The following CLVS1 variants were observed in gnomAD, a reference collection of about 807,000 sequenced individuals.
The protein encoded by CLVS1 is clavesin-1.
In CLVS1, 10 loss-of-function variants were observed where a neutral mutation model predicts 33.1. The observed-to-expected ratio is 0.30, with a 90% CI of 0.19 to 0.51. The LOEUF is 0.51. Among genes scored for constraint, CLVS1 ranks in the 20% least tolerant of loss-of-function variants. The probability of loss-of-function intolerance (pLI) is 0.97; values close to 1 mark genes in which losing one functional copy is unlikely to be tolerated. For synonymous variants in CLVS1, 163 were observed against 166.1 expected, an observed-to-expected ratio of 0.98 and a Z score of 0.14; for missense variants, 343 against 433.4, an observed-to-expected ratio of 0.79 and a Z score of 1.85.
At chr8:61,062,838 T>C (rs1387947911) in intron 1 of CLVS1, among the ~76,000 whole-genome samples, 1 of 152,240 alleles carries the variant, frequency 6.6e-6, no homozygotes, top group African/African-American at 2.4e-5. Flanking sequence ...ACTCCTGACT[T>C]TAGATGTTCA....
At chr8:61,016,723 G>C in the CLVS1 span, among the ~76,000 whole-genome samples, 2 of 152,228 alleles carry the variant, frequency 1.3e-5, no homozygotes, top group Non-Finnish European at 2.9e-5. Flanking sequence ...CATGCAAGTG[G>C]TGAGAAGCTG....
At chr8:61,173,634 T>C (rs1807054180) in intron 2 of CLVS1, among the ~76,000 whole-genome samples, 1 of 152,196 alleles carries the variant, frequency 6.6e-6, no homozygotes, top group African/African-American at 2.4e-5. Context: ...GGAGACCCTA[T>C]GATTATCACA....
intron 2 of CLVS1, among the ~76,000 whole-genome samples, chr8:61,180,583 A>T (rs1211427095): frequency 1.3e-5 from 2 of 152,216 alleles, no homozygotes; most frequent in Non-Finnish European, 2.9e-5. Flanking sequence ...CAATGCAAAA[A>T]TCCTCAATAA....
intron 1 of CLVS1, among the ~76,000 whole-genome samples, chr8:61,068,223 G>GTATATATATATATATA (rs71521932): frequency 7.6e-5 from 8 of 105,176 alleles, no homozygotes; most frequent in East Asian, 4.0e-4. Context: ...ATATATGTAT[G>GTATATATATATATATA]TATGTGTATA....
chr8:61,488,015 A>T (rs2129608471), intron 5 of CLVS1, among the ~76,000 whole-genome samples: 1 of 152,320 alleles, frequency 6.6e-6, no homozygotes, highest in South Asian at 2.1e-4. Context: ...TGTGAAACTG[A>T]CTGGCAGCTC....
chr8:61,232,023 GTTTTTTTTTTTTTTT>G (rs1158042227), intron 2 of CLVS1, among the ~76,000 whole-genome samples: 1 of 62,628 alleles, frequency 1.6e-5, no homozygotes, highest in Admixed American at 1.7e-4. Flanking sequence ...GAAAGTTGTG[GTTTTTTTTTTTTTTT>G]TTTTTTTTTT....
the CLVS1 span, among the ~76,000 whole-genome samples, chr8:61,014,383 G>A: frequency 6.6e-6 from 1 of 152,142 alleles, no homozygotes; most frequent in East Asian, 1.9e-4. Flanking sequence ...GATGGGTGGT[G>A]ACTCATACAT....
rs1160753152 is a variant in CLVS1, at chr8:61,270,861, T to G, written c.-151-28816T>G. 7.2e-5 allele frequency among the ~76,000 whole-genome samples: 11 copies of G among 152,218 alleles called. No homozygotes were observed. In the East Asian group the frequency reaches 1.2e-3, roughly 16 times the overall value. ...TATTTCTGTGGGATCGGTGGTGATA[T>G]CCCCTTTATCATTTTTTATTGCATC... On this transcript the variant is annotated intron_variant, in intron 2 of 2. Transcript: ENST00000522621.
At chr8:60,991,742 C>A in the CLVS1 span, among the ~76,000 whole-genome samples, 3 of 134,260 alleles carry the variant, frequency 2.2e-5, no homozygotes, top group African/African-American at 2.8e-5. Context: ...TCAAGCCCCA[C>A]TCTTTTTTTT....
At chr8:61,297,310 C>T (rs10957188) in intron 1 of CLVS1, among the ~76,000 whole-genome samples, 35,585 of 151,948 alleles carry the variant, frequency 0.23, 6,961 homozygotes, top group East Asian at 0.84. Flanking sequence ...TGGCAGCAAG[C>T]GTATCAATAG....
chr8:61,256,242 C>T (rs560712417), intron 2 of CLVS1, among the ~76,000 whole-genome samples: 5 of 152,264 alleles, frequency 3.3e-5, no homozygotes, highest in African/African-American at 9.6e-5. Context: ...TAGCCAGGCG[C>T]GGTGGCTCAC....
At chr8:61,232,508 A>G (rs1181303788) in intron 2 of CLVS1, among the ~76,000 whole-genome samples, 1 of 151,940 alleles carries the variant, frequency 6.6e-6, no homozygotes, top group Admixed American at 6.6e-5. Context: ...ATCTTATGTA[A>G]CTCCCCAAAT....
At chr8:60,978,562 C>T in the CLVS1 span, among the ~76,000 whole-genome samples, 7 of 151,994 alleles carry the variant, frequency 4.6e-5, no homozygotes, top group African/African-American at 1.4e-4. Flanking sequence ...TGCCTGTAAT[C>T]CCAGCACTTT....
intron 2 of CLVS1, among the ~76,000 whole-genome samples, chr8:61,305,627 G>A (rs538667315): frequency 1.3e-5 from 2 of 151,792 alleles, no homozygotes; most frequent in South Asian, 2.1e-4. Context: ...GTGTCATGGG[G>A]TTTTTTTTGT....
chr8:61,449,142 C>T (rs987087886), intron 3 of CLVS1, among the ~76,000 whole-genome samples: 1 of 152,094 alleles, frequency 6.6e-6, no homozygotes, highest in African/African-American at 2.4e-5. Context: ...TCTGTTGACA[C>T]CCAAGTAGGG....
chr8:61,367,009 C>T (rs1813237092), intron 2 of CLVS1, among the ~76,000 whole-genome samples: 1 of 152,120 alleles, frequency 6.6e-6, no homozygotes, highest in African/African-American at 2.4e-5. Flanking sequence ...TGACTTAGTT[C>T]CTTCAGTCCT....
chr8:61,383,895 C>T (rs1054591723), intron 3 of CLVS1, among the ~76,000 whole-genome samples: 5 of 152,220 alleles, frequency 3.3e-5, no homozygotes, highest in African/African-American at 1.2e-4. Flanking sequence ...TAAACAGATG[C>T]AGTTCCTCTT....
intron 2 of CLVS1, among the ~76,000 whole-genome samples, chr8:61,313,913 G>A (rs1313449071): frequency 1.3e-5 from 2 of 152,236 alleles, no homozygotes; most frequent in African/African-American, 2.4e-5. Flanking sequence ...GGGAGCAAGG[G>A]CACCACCTGG....
chr8:61,120,948 A>T (rs1457376881), intron 1 of CLVS1, among the ~76,000 whole-genome samples: 3 of 148,938 alleles, frequency 2.0e-5, no homozygotes, highest in Admixed American at 6.6e-5. Flanking sequence ...AAGCCTGGGC[A>T]ATGGCGGGTG....
Sources: gnomAD v4.1 joint callset for allele counts (sites outside exome capture counted in the v4.1 genomes callset) on GRCh38, gnomAD v4.1.1 for gene constraint, MANE v1.5 for transcripts, NCBI Gene and HGNC (gene_info 2026-07-23, HGNC 2026-07-21) for gene names.